Variants in IMMP2L observed in about 807,000 individuals in gnomAD.
IMMP2L encodes the protein mitochondrial inner membrane protease subunit 2.
IMMP2L carries 18 observed loss-of-function variants against 19.3 expected under a neutral mutation model. The observed-to-expected ratio is 0.93, with a 90% CI of 0.64 to 1.38. IMMP2L has a LOEUF of 1.38. IMMP2L is among the 40% of genes most tolerant of loss of function. The pLI, the probability that IMMP2L is intolerant of heterozygous loss-of-function variation, is 0.00. For synonymous variants in IMMP2L, 76 were observed against 73.0 expected (o/e 1.04, Z -0.21); for missense variants, 233 against 218.2 (o/e 1.07, Z -0.43).
At chr7:111,387,696 G>A (rs754368017) in intron 3 of IMMP2L, among the ~76,000 whole-genome samples, 3 of 151,636 alleles carry the variant, frequency 2.0e-5, no homozygotes, top group Admixed American at 6.6e-5. Context: ...ACTAAAATAC[G>A]GCCAGGCGCA....
At chr7:111,336,206 C>T (rs37641) in intron 3 of IMMP2L, among the ~76,000 whole-genome samples, 9,532 of 132,986 alleles carry the variant, frequency 0.072, 393 homozygotes, top group African/African-American at 0.12. Flanking sequence ...GCCGCCAGGC[C>T]GGCTATTTTT....
rs544427758 is a variant in IMMP2L, at chr7:111,402,812, C to A, written c.239+84426G>T. On this transcript the variant is annotated intron_variant, in intron 3 of 5. Transcript: ENST00000405709. ...CATATCTGTATATTAAAACTATTTC[C>A]TAATACCTTCACAATGGAAATTTTC... Among the ~76,000 whole-genome samples, 340 of 151,776 alleles carry A rather than the reference C, an allele frequency of 2.2e-3. 2 individuals carry two copies. Among genetic ancestry groups the A allele is most frequent in the Non-Finnish European group, 4.4e-3 (296 of 67,948 alleles).
At chr7:111,128,644 G>T (rs958625829) in intron 3 of IMMP2L, among the ~76,000 whole-genome samples, 3 of 152,100 alleles carry the variant, frequency 2.0e-5, no homozygotes, top group African/African-American at 7.2e-5. Flanking sequence ...GGCCAACATG[G>T]TGAAACTCCG....
At chr7:111,168,227 G>C (rs1806047178) in intron 3 of IMMP2L, among the ~76,000 whole-genome samples, 1 of 151,460 alleles carries the variant, frequency 6.6e-6, no homozygotes, top group Non-Finnish European at 1.5e-5. Flanking sequence ...AAAATGATTT[G>C]CAAAAATAAT....
chr7:110,748,352 T>C (rs527485285), intron 5 of IMMP2L, among the ~76,000 whole-genome samples: 39 of 152,220 alleles, frequency 2.6e-4, no homozygotes, highest in African/African-American at 8.9e-4. Context: ...AATGCTATCC[T>C]GATCAAGCTA....
chr7:110,956,182 G>A (rs80052520), intron 4 of IMMP2L, among the ~76,000 whole-genome samples: 1 of 151,850 alleles, frequency 6.6e-6, no homozygotes, highest in African/African-American at 2.4e-5. Flanking sequence ...AATAAATTAG[G>A]GTATTTTGAC....
chr7:111,038,258 C>G (rs1312181830), intron 3 of IMMP2L, among the ~76,000 whole-genome samples: 1 of 152,020 alleles, frequency 6.6e-6, no homozygotes, highest in African/African-American at 2.4e-5. Context: ...TGCAATTATT[C>G]ACAATTTGGG....
Position 111,123,134 on chromosome 7 carries a change from T to C in IMMP2L, c.240-159569A>G, listed in dbSNP as rs376028588. 9 of 1,613,798 alleles carry C rather than the reference T, an allele frequency of 5.6e-6. No homozygotes were observed. The African/African-American group carries it at 1.2e-4, about 22-fold the overall frequency. The stretch of plus-strand genomic sequence containing the variant: ...AAAAAGATGCCTCAGCTCCTTTCTG[T>C]GTACCTAGAGGAAAACAAACTTACT... On this transcript the variant is annotated intron_variant, in intron 3 of 5. Transcript: ENST00000405709. This position sits in a 1 kb window ranked among gnomAD's most constrained non-coding sequence, Gnocchi z 6.4.
chr7:111,004,433 G>A (rs1427194817), intron 3 of IMMP2L, among the ~76,000 whole-genome samples: 3 of 152,090 alleles, frequency 2.0e-5, no homozygotes, highest in Non-Finnish European at 4.4e-5. Flanking sequence ...GCAAAGTGCT[G>A]TGATTAAAGG....
intron 2 of IMMP2L, among the ~76,000 whole-genome samples, chr7:111,507,125 GC>G (rs1268477138): frequency 3.3e-5 from 5 of 152,196 alleles, no homozygotes; most frequent in African/African-American, 1.2e-4. Flanking sequence ...ATAGGCGTGA[GC>G]CACTACACCC....
intron 3 of IMMP2L, among the ~76,000 whole-genome samples, chr7:111,207,545 T>G (rs1383663278): frequency 9.1e-5 from 13 of 143,398 alleles, no homozygotes; most frequent in African/African-American, 3.1e-4. Context: ...TTTTTTTTTT[T>G]TTTTTTTTTT....
At chr7:111,063,582 A>G (rs2129574692) in intron 3 of IMMP2L, among the ~76,000 whole-genome samples, 1 of 152,248 alleles carries the variant, frequency 6.6e-6, no homozygotes, top group East Asian at 1.9e-4. Flanking sequence ...AGATTTTCCA[A>G]ACTTTTATGC....
intron 5 of IMMP2L, among the ~76,000 whole-genome samples, chr7:110,763,372 T>C (rs1463731736): frequency 6.6e-6 from 1 of 152,162 alleles, no homozygotes; most frequent in Non-Finnish European, 1.5e-5. Flanking sequence ...TTCATTCACT[T>C]ATTCAGCATT....
At chr7:111,214,650 G>A (rs902498768) in intron 3 of IMMP2L, among the ~76,000 whole-genome samples, 4 of 145,634 alleles carry the variant, frequency 2.7e-5, no homozygotes, top group African/African-American at 9.9e-5. Context: ...ACCATGCCTG[G>A]CCAATTTTTT....
intron 3 of IMMP2L, among the ~76,000 whole-genome samples, chr7:111,444,196 T>C (rs1286091647): frequency 6.6e-6 from 1 of 152,132 alleles, no homozygotes; most frequent in Non-Finnish European, 1.5e-5. Context: ...TTTCTGAGGG[T>C]TTAAAATATT....
rs183238861 is a variant in IMMP2L, at chr7:111,547,482, T to C, written c.-3+14369A>G. ...CAACAACTGTACTCTTACTTCTCCATTGTAGGCTAAACAAACTGTCATACC... is the reference window on the plus strand; with the variant it reads ...CAACAACTGTACTCTTACTTCTCCACTGTAGGCTAAACAAACTGTCATACC... On this transcript the variant is annotated intron_variant, in intron 1 of 5. Coordinates refer to ENST00000405709, the MANE Select transcript of IMMP2L (RefSeq NM_032549.4). Among the ~76,000 whole-genome samples, 270 of 151,558 alleles carry C rather than the reference T, an allele frequency of 1.8e-3. 2 individuals are homozygous for C. The highest frequency in any genetic ancestry group is 5.6e-3 in the African/African-American group (233 of 41,258).
intron 3 of IMMP2L, among the ~76,000 whole-genome samples, chr7:110,988,057 G>A (rs1301246009): frequency 1.3e-5 from 2 of 152,204 alleles, no homozygotes; most frequent in African/African-American, 4.8e-5. Flanking sequence ...GAACAAAGTA[G>A]AGCCTTAATT....
intron 4 of IMMP2L, among the ~76,000 whole-genome samples, chr7:110,941,319 T>C (rs910115017): frequency 1.3e-5 from 2 of 152,176 alleles, no homozygotes; most frequent in African/African-American, 4.8e-5. Flanking sequence ...AATTTCTTTC[T>C]AAATCTTCAT....
chr7:111,036,772 T>C (rs1209435248), intron 3 of IMMP2L, among the ~76,000 whole-genome samples: 2 of 152,062 alleles, frequency 1.3e-5, no homozygotes, highest in African/African-American at 2.4e-5. Context: ...CAGATAACTT[T>C]ATAGTTTCTG....
Sources: allele counts gnomAD v4.1 joint callset (sites outside exome capture counted in the v4.1 genomes callset), GRCh38; gene constraint gnomAD v4.1.1; non-coding constraint Gnocchi (gnomAD v3.1); transcripts MANE v1.5; gene names NCBI Gene and HGNC (gene_info 2026-07-23, HGNC 2026-07-21).